Variants in EPHA3 observed in about 807,000 individuals in gnomAD.
EPHA3 encodes the protein ephrin type-A receptor 3.
In EPHA3, 42 loss-of-function variants were observed where a neutral mutation model predicts 107.1. The ratio of observed to expected loss-of-function variants is 0.39; its 90% CI spans 0.31 to 0.51. The LOEUF (loss-of-function observed/expected upper bound fraction) is 0.51. Among genes scored for constraint, EPHA3 ranks in the 20% least tolerant of loss-of-function variants. The pLI, the probability that EPHA3 is intolerant of heterozygous loss-of-function variation, is 0.78. For synonymous variants in EPHA3, 461 were observed against 424.8 expected, an observed-to-expected ratio of 1.09 and a Z score of -1.05; for missense variants, 1,183 against 1,211.2, an observed-to-expected ratio of 0.98 and a Z score of 0.35.
intron 3 of EPHA3, among the ~76,000 whole-genome samples, chr3:89,334,659 C>A (rs918296307): frequency 3.9e-5 from 6 of 152,056 alleles, no homozygotes; most frequent in Non-Finnish European, 8.8e-5. Context: ...ATAGGGTGCA[C>A]AAAATGAATA....
chr3:89,448,608 T>A (rs908664499), intron 13 of EPHA3, among the ~76,000 whole-genome samples: 2 of 152,198 alleles, frequency 1.3e-5, no homozygotes, highest in African/African-American at 4.8e-5. Flanking sequence ...CTATCTAATT[T>A]ATATGGTGCT....
intron 13 of EPHA3, among the ~76,000 whole-genome samples, chr3:89,440,638 G>T (rs1319710909): frequency 2.0e-5 from 3 of 152,302 alleles, no homozygotes; most frequent in East Asian, 1.9e-4. Flanking sequence ...GAACTGAATT[G>T]CAGAATCTTT....
intron 11 of EPHA3, among the ~76,000 whole-genome samples, chr3:89,428,451 A>G (rs578174897): frequency 6.6e-6 from 1 of 152,246 alleles, no homozygotes; most frequent in East Asian, 1.9e-4. Flanking sequence ...ATATTTGCAA[A>G]CTGGTTATTA....
At chr3:89,204,608 ATGTG>A (rs71621535) in intron 2 of EPHA3, among the ~76,000 whole-genome samples, 138 of 148,762 alleles carry the variant, frequency 9.3e-4, no homozygotes, top group Admixed American at 3.1e-3. Flanking sequence ...CTGTGTGTAA[ATGTG>A]TGTGTGTGTG....
rs1457289371 is a variant in EPHA3, at chr3:89,480,170, C to A, written c.*668C>A. On this transcript the variant is annotated 3_prime_UTR_variant, in exon 17 of 17. Coordinates refer to ENST00000336596, the MANE Select transcript of EPHA3 (RefSeq NM_005233.6). ...TCTTTTGAATTGTTTTTATTGTTTT[C>A]TATTTATGCCTTGATGATTTAATAT... The A allele has an allele frequency of 2.1e-5, 5 of 232,768 alleles. No homozygotes were observed. Among genetic ancestry groups the A allele is most frequent in the Non-Finnish European group, 4.2e-5 (5 of 117,686 alleles). 14.4% of individuals were successfully genotyped at this position (232,768 alleles called of 1,614,324 possible). A position where few individuals can be genotyped will look rare whatever the true frequency, so the allele number is the denominator to read the frequency against.
At chr3:89,380,989 T>C (rs1384100680) in intron 5 of EPHA3, among the ~76,000 whole-genome samples, 3 of 152,024 alleles carry the variant, frequency 2.0e-5, no homozygotes, top group Non-Finnish European at 4.4e-5. Context: ...GTTTCTTTTT[T>C]TGAGACAGAG....
At chr3:89,406,078 C>A (rs545161558) in intron 7 of EPHA3, among the ~76,000 whole-genome samples, 2 of 152,134 alleles carry the variant, frequency 1.3e-5, no homozygotes, top group South Asian at 4.1e-4. Flanking sequence ...AAATAGAGAC[C>A]AAATTAGGAA....
intron 3 of EPHA3, among the ~76,000 whole-genome samples, chr3:89,260,766 T>C (rs564952617): frequency 3.3e-5 from 5 of 152,334 alleles, no homozygotes; most frequent in African/African-American, 1.2e-4. Context: ...CAGAACATAA[T>C]ATTACTCCTT....
At chr3:89,455,864 A>G (rs1320463734) in intron 15 of EPHA3, among the ~76,000 whole-genome samples, 1 of 152,102 alleles carries the variant, frequency 6.6e-6, no homozygotes, top group East Asian at 1.9e-4. Context: ...AGAGCACCAT[A>G]TTCTCGTTCT....
chr3:89,401,298 C>G (rs1390574405), intron 7 of EPHA3, among the ~76,000 whole-genome samples: 1 of 152,154 alleles, frequency 6.6e-6, no homozygotes, highest in Non-Finnish European at 1.5e-5. Flanking sequence ...CATAGCTGAA[C>G]CATGACAATT....
rs1710591383 is a variant in EPHA3 at position 89,479,911 on chromosome 3, T to A, written c.*409T>A. On this transcript the variant is annotated 3_prime_UTR_variant, in exon 17 of 17. Coordinates refer to ENST00000336596, the MANE Select transcript of EPHA3 (RefSeq NM_005233.6). Reference sequence around the variant, plus strand: ...GTAATATTTTTATATACAGAGGAAATCTGTAACAGGTATTTTGTTTCTTTT... The same window carrying A: ...GTAATATTTTTATATACAGAGGAAAACTGTAACAGGTATTTTGTTTCTTTT... The A allele has an allele frequency of 4.2e-6, 1 of 240,866 alleles. No homozygotes were observed. The highest frequency in any genetic ancestry group is 8.2e-6 in the Non-Finnish European group (1 of 122,670). The allele number at this position is 240,866 out of a possible 1,614,324, so 14.9% of individuals were successfully genotyped here. A position where few individuals can be genotyped will look rare whatever the true frequency, so the allele number is the denominator to read the frequency against.
chr3:89,153,261 C>T (rs1210618072), intron 2 of EPHA3, among the ~76,000 whole-genome samples: 1 of 152,050 alleles, frequency 6.6e-6, no homozygotes, highest in Non-Finnish European at 1.5e-5. Flanking sequence ...ATATTTACTT[C>T]ACTTAAGATA....
chr3:89,298,818 C>A (rs1017752837), intron 3 of EPHA3, among the ~76,000 whole-genome samples: 15 of 151,852 alleles, frequency 9.9e-5, no homozygotes, highest in African/African-American at 3.1e-4. Context: ...ATATGATTAA[C>A]TGTCAAATTA....
chr3:89,258,251 C>G (rs1489410057), intron 3 of EPHA3, among the ~76,000 whole-genome samples: 1 of 152,124 alleles, frequency 6.6e-6, no homozygotes, highest in Non-Finnish European at 1.5e-5. Context: ...AGACATGGAG[C>G]TATTTGTCCA....
chr3:89,312,757 C>T (rs1212867609), intron 3 of EPHA3, among the ~76,000 whole-genome samples: 1 of 151,844 alleles, frequency 6.6e-6, no homozygotes, highest in African/African-American at 2.4e-5. Flanking sequence ...TCCAGAAGGC[C>T]CCAGTGTGTG....
At chr3:89,118,034 G>C (rs1308034804) in intron 1 of EPHA3, among the ~76,000 whole-genome samples, 1 of 151,730 alleles carries the variant, frequency 6.6e-6, no homozygotes, top group East Asian at 1.9e-4. Context: ...CCAAATATTG[G>C]AAATATTTTC....
intron 3 of EPHA3, among the ~76,000 whole-genome samples, chr3:89,211,727 TC>T (rs1704094736): frequency 1.7e-4 from 3 of 18,180 alleles, no homozygotes; most frequent in Non-Finnish European, 2.6e-4. Flanking sequence ...TTCTTCTTTT[TC>T]TTCTTCTTCT....
At chr3:89,291,042 T>C (rs971986108) in intron 3 of EPHA3, among the ~76,000 whole-genome samples, 2 of 152,166 alleles carry the variant, frequency 1.3e-5, no homozygotes, top group Non-Finnish European at 2.9e-5. Context: ...CATTTTTCTT[T>C]ATATACCCTT....
chr3:89,390,754 T>A lies in EPHA3; in HGVS notation c.1307-5083T>A, dbSNP rs1420828580. ...AAGTCAACCCTTGGTTTCCAGAAAG[T>A]TATGTCTTCTTGGAAGAGAAATTGA... On this transcript the variant is annotated intron_variant, in intron 5 of 16. Coordinates refer to ENST00000336596, the MANE Select transcript of EPHA3 (RefSeq NM_005233.6). Among the ~76,000 whole-genome samples the A allele has an allele frequency of 1.5e-4, 23 of 151,964 alleles. 1 individual carries two copies. The highest frequency in any genetic ancestry group is 2.9e-5 in the Non-Finnish European group (2 of 68,004).
Sources: gnomAD v4.1 joint callset for allele counts (sites outside exome capture counted in the v4.1 genomes callset) on GRCh38, gnomAD v4.1.1 for gene constraint, MANE v1.5 for transcripts, NCBI Gene and HGNC (gene_info 2026-07-23, HGNC 2026-07-21) for gene names.